MAPRE2: variants seen among roughly 807,000 people sequenced by gnomAD.
The protein encoded by MAPRE2 is microtubule-associated protein RP/EB family member 2.
Under a neutral mutation model 43.2 loss-of-function variants are expected in MAPRE2, and 13 were observed. The observed-to-expected ratio is 0.30, with a 90% confidence interval of 0.20 to 0.48. The LOEUF is 0.48. MAPRE2 is among the 20% of genes least tolerant of loss of function. MAPRE2 has a pLI of 0.99. For missense variants in MAPRE2, 161 were observed against 400.2 expected (o/e 0.40, Z 5.10); for synonymous variants, 135 against 148.8 (o/e 0.91, Z 0.68).
intron 5 of MAPRE2, 130 bp from the exon 6 acceptor site, chr18:35,131,902 T>A (rs1910166577): frequency 2.2e-6 from 2 of 915,048 alleles, no homozygotes; most frequent in Non-Finnish European, 3.3e-6. Context: ...TGTTTCTCCC[T>A]CAGACTTACA....
intron 5 of MAPRE2, among the ~76,000 whole-genome samples, chr18:35,130,601 T>C: frequency 6.6e-6 from 1 of 152,204 alleles, no homozygotes; most frequent in East Asian, 1.9e-4. Context: ...ATTCCAAATG[T>C]AATTTTTTGA....
At chr18:35,023,688 G>T (rs1333233148) in intron 2 of MAPRE2, among the ~76,000 whole-genome samples, 5 of 151,972 alleles carry the variant, frequency 3.3e-5, no homozygotes, top group Non-Finnish European at 2.9e-5. Flanking sequence ...AGAAGAATTG[G>T]TAAGATTTGG....
At chr18:35,033,310 C>A (rs1486808348) in intron 2 of MAPRE2, among the ~76,000 whole-genome samples, 3 of 152,048 alleles carry the variant, frequency 2.0e-5, no homozygotes, top group African/African-American at 7.2e-5. Flanking sequence ...CAAAATTCAA[C>A]AACCTTCATG....
At chr18:35,019,374 G>C (rs2097040539) in intron 2 of MAPRE2, among the ~76,000 whole-genome samples, 1 of 151,850 alleles carries the variant, frequency 6.6e-6, no homozygotes, top group African/African-American at 2.4e-5. Context: ...GAATTCCTTT[G>C]TCAATTGTGT....
At chr18:34,980,023 C>CTTTTTTTTTTTTTTTT (rs1450524683) in intron 1 of MAPRE2, among the ~76,000 whole-genome samples, 11 of 132,504 alleles carry the variant, frequency 8.3e-5, no homozygotes, top group African/African-American at 3.2e-4. Flanking sequence ...TTTTCTTTTT[C>CTTTTTTTTTTTTTTTT]TTTTTTTCTT....
intron 1 of MAPRE2, among the ~76,000 whole-genome samples, chr18:34,981,877 A>AT (rs138891362): frequency 0.011 from 408 of 35,910 alleles, 3 homozygotes; most frequent in African/African-American, 0.026. Flanking sequence ...TTTTTTTTTT[A>AT]TTTTTATTTA....
chr18:35,029,766 A>G (rs2097046921), intron 2 of MAPRE2, among the ~76,000 whole-genome samples: 1 of 152,214 alleles, frequency 6.6e-6, no homozygotes. Context: ...CAGTCACTTC[A>G]ACAAGATGCA....
chr18:35,084,670 G>T (rs1384163270), intron 2 of MAPRE2, among the ~76,000 whole-genome samples: 4 of 152,240 alleles, frequency 2.6e-5, no homozygotes, highest in Non-Finnish European at 5.9e-5. Flanking sequence ...CCGCCTCTGT[G>T]TCTGTAGGAG....
intron 2 of MAPRE2, among the ~76,000 whole-genome samples, chr18:35,071,071 G>C (rs569174140): frequency 6.6e-6 from 1 of 152,328 alleles, no homozygotes; most frequent in African/African-American, 2.4e-5. Flanking sequence ...GAGAGTCCTT[G>C]AGGACAGGAC....
At chr18:34,997,516 T>TA (rs1384261316) in intron 1 of MAPRE2, among the ~76,000 whole-genome samples, 5 of 152,136 alleles carry the variant, frequency 3.3e-5, no homozygotes, top group Non-Finnish European at 5.9e-5. Context: ...GAAGAAGTAA[T>TA]AAAAGAATTA....
intron 4 of MAPRE2, among the ~76,000 whole-genome samples, chr18:35,119,425 A>G (rs898004057): frequency 6.6e-6 from 1 of 152,062 alleles, no homozygotes; most frequent in African/African-American, 2.4e-5. Flanking sequence ...ATCACTTCCT[A>G]ATTTATGTTA....
intron 1 of MAPRE2, chr18:34,984,359 G>C (rs1322880080): frequency 1.3e-5 from 2 of 152,090 alleles, no homozygotes; most frequent in Admixed American, 1.3e-4. Flanking sequence ...GCAACTTTAA[G>C]AGTTATATAT....
At chr18:35,117,203 G>A (rs140526833) in intron 4 of MAPRE2, among the ~76,000 whole-genome samples, 13 of 152,196 alleles carry the variant, frequency 8.5e-5, no homozygotes, top group African/African-American at 3.1e-4. Context: ...CTTACTAGTC[G>A]GTTGATAGAA....
At chr18:35,088,634 G>A (rs1204553683) in intron 2 of MAPRE2, among the ~76,000 whole-genome samples, 1 of 152,176 alleles carries the variant, frequency 6.6e-6, no homozygotes, top group Admixed American at 6.5e-5. Flanking sequence ...CTGTGTATCT[G>A]TTGATGAGGA....
At chr18:35,067,829 A>G (rs1906911363) in intron 1 of MAPRE2, among the ~76,000 whole-genome samples, 1 of 152,244 alleles carries the variant, frequency 6.6e-6, no homozygotes, top group South Asian at 2.1e-4. Context: ...TAATTTACAT[A>G]GATGATTTTA....
chr18:35,115,978 A>G (rs887283142), intron 4 of MAPRE2, among the ~76,000 whole-genome samples: 1 of 152,176 alleles, frequency 6.6e-6, no homozygotes, highest in African/African-American at 2.4e-5. Flanking sequence ...TTGTCAACAA[A>G]TGTTTGTTGA....
intron 2 of MAPRE2, among the ~76,000 whole-genome samples, chr18:35,096,825 A>G (rs1044159339): frequency 1.3e-5 from 2 of 150,682 alleles, no homozygotes; most frequent in Non-Finnish European, 2.9e-5. Flanking sequence ...GTAATACTTA[A>G]TAAGTAATAC....
At chr18:35,033,539 G>A (rs1603392035) in intron 2 of MAPRE2, among the ~76,000 whole-genome samples, 2 of 151,716 alleles carry the variant, frequency 1.3e-5, no homozygotes, top group South Asian at 4.2e-4. Flanking sequence ...AGGAAATAAA[G>A]GGTATTCAAA....
At chr18:35,048,506 T>G (rs1162777645) in intron 1 of MAPRE2, among the ~76,000 whole-genome samples, 5 of 150,932 alleles carry the variant, frequency 3.3e-5, no homozygotes, top group Non-Finnish European at 7.4e-5. Context: ...TAATTATATA[T>G]GTGTTACATA....
Sources: allele counts gnomAD v4.1 joint callset (sites outside exome capture counted in the v4.1 genomes callset), GRCh38; gene constraint gnomAD v4.1.1; transcripts MANE v1.5; gene names NCBI Gene and HGNC (gene_info 2026-07-23, HGNC 2026-07-21).